C3orf18: variants seen among roughly 807,000 people sequenced by gnomAD.
C3orf18 encodes the protein chromosome 3 open reading frame 18, also known as uncharacterized protein C3orf18.
A neutral mutation model predicts 14.1 loss-of-function variants in C3orf18; 12 were observed. The observed-to-expected ratio is 0.85, with a 90% CI of 0.55 to 1.38. C3orf18 has a LOEUF of 1.38. C3orf18 is among the 40% of genes most tolerant of loss of function. The pLI, the probability that C3orf18 is intolerant of heterozygous loss-of-function variation, is 0.00. For synonymous variants in C3orf18, 82 were observed against 87.9 expected (o/e 0.93, Z 0.38); for missense variants, 196 against 213.9 (o/e 0.92, Z 0.52).
chr3:50,562,669 G>A (rs1022069194), intron 3 of C3orf18: 8 of 390,058 alleles, frequency 2.1e-5, no homozygotes, highest in African/African-American at 1.7e-4. Flanking sequence ...GCAAGGCCCT[G>A]AGCTGGTGGT....
chr3:50,561,904 C>T (rs1321553578), intron 3 of C3orf18, 157 bp from the exon 4 acceptor site: 13 of 599,492 alleles, frequency 2.2e-5, no homozygotes, highest in Admixed American at 5.6e-5. Flanking sequence ...CTTCATGCCT[C>T]TTTTTTTTTT....
At chr3:50,568,322 C>A (rs963175898), upstream of C3orf18, among the ~76,000 whole-genome samples, 2 of 152,160 alleles carry the variant, frequency 1.3e-5, no homozygotes, top group African/African-American at 4.8e-5. Flanking sequence ...TCAGATACTC[C>A]TGATCCGCCG....
upstream of C3orf18, among the ~76,000 whole-genome samples, chr3:50,572,462 T>C (rs1701111491): frequency 1.3e-5 from 2 of 152,206 alleles, no homozygotes; most frequent in Non-Finnish European, 2.9e-5. Context: ...GTGCCTCAAA[T>C]AGTGCTGCCC....
chr3:50,565,484 TATCACCGTGA>T lies in C3orf18; in HGVS notation c.206_215del (p.Ile69LysfsTer101). ...CTCTCACCAAGGCCACAGCCAGGCC[TATCACCGTGA>T]TGATCCCAAAGGACAGAAGCATGGT... On this transcript the variant is annotated frameshift_variant, in exon 3 of 6. Transcript: ENST00000357203. LOFTEE classifies it high-confidence loss of function. The surrounding 1 kb of genome is among the most constrained non-coding windows in gnomAD (Gnocchi z 4.4). 6.2e-7 allele frequency: 1 copy of T among 1,613,784 alleles called. No homozygotes were observed. The highest frequency in any genetic ancestry group is 2.2e-5 in the East Asian group (1 of 44,896).
upstream of C3orf18, among the ~76,000 whole-genome samples, chr3:50,573,579 C>T (rs1268843746): frequency 6.6e-6 from 1 of 152,168 alleles, no homozygotes; most frequent in Non-Finnish European, 1.5e-5. Flanking sequence ...AGCAGCTCTA[C>T]TGCAAGGGGT....
chr3:50,562,212 A>T (rs1040227469), intron 3 of C3orf18, among the ~76,000 whole-genome samples: 4 of 152,014 alleles, frequency 2.6e-5, no homozygotes, highest in African/African-American at 9.7e-5. Flanking sequence ...CCTCCTTTTG[A>T]CATTGTTAGC....
chr3:50,571,217 T>G (rs776458714), upstream of C3orf18: 7 of 1,613,800 alleles, frequency 4.3e-6, no homozygotes, highest in Admixed American at 1.0e-4. Context: ...CTGGCTGGGT[T>G]ATCCAGTGCC....
At position 50,565,557 on chromosome 3, in the gene C3orf18, C is replaced by T. The variant is rs1229786602; in HGVS notation, c.143G>A (p.Arg48Lys). ...CGTGCCACCAGCTGCATCAGGGATT[C>T]TGGTGTCATTAAAGGTGGTGGCCTC... ...SPEATTFNDT[R>K]IPDAAGGTAG... Residue 48 changes from arginine (R) to lysine (K), a missense_variant, in exon 3 of 6, where the codon AGA (arginine) becomes AAA (lysine). By Grantham distance (26) the Arg-to-Lys change is conservative. Transcript: ENST00000357203. This position sits in a 1 kb window ranked among gnomAD's most constrained non-coding sequence, Gnocchi z 4.4. 1.2e-6 allele frequency: 2 copies of T among 1,613,978 alleles called. No homozygotes were observed. Among genetic ancestry groups the T allele is most frequent in the South Asian group, 2.2e-5 (2 of 91,052 alleles).
In C3orf18 at chr3:50,565,912, T is replaced by A; in HGVS notation, c.-162-51A>T. ...GAGGCTAAGGACAGGGGCTCAGTAGTGAGATGAAGTCTCTCTAGGTTCTGA... is the reference window on the plus strand; with the variant it reads ...GAGGCTAAGGACAGGGGCTCAGTAGAGAGATGAAGTCTCTCTAGGTTCTGA... On this transcript the variant is annotated intron_variant, in intron 2 of 5. Coordinates refer to ENST00000357203, the MANE Select transcript of C3orf18 (RefSeq NM_016210.5). This position sits in a 1 kb window ranked among gnomAD's most constrained non-coding sequence, Gnocchi z 4.4. The A allele has an allele frequency of 1.7e-6, 1 of 579,286 alleles. No homozygotes were observed. Among genetic ancestry groups the A allele is most frequent in the Non-Finnish European group, 3.1e-6 (1 of 324,668 alleles). The allele number at this position is 579,286 out of a possible 1,614,324, so 35.9% of individuals were successfully genotyped here. A position where few individuals can be genotyped will look rare whatever the true frequency, so the allele number is the denominator to read the frequency against.
In C3orf18 at chr3:50,559,177, C is replaced by G; in HGVS notation, c.*480G>C. ...GGCTTCTCAGGGCCCATAACAGATG[C>G]TGCCCTACCCTGTCCCTATAACTTG... On this transcript the variant is annotated 3_prime_UTR_variant, in exon 6 of 6. Transcript: ENST00000357203. 7.8e-7 allele frequency: 1 copy of G among 1,290,024 alleles called. No homozygotes were observed. Among genetic ancestry groups the G allele is most frequent in the Non-Finnish European group, 1.0e-6 (1 of 989,110 alleles). The allele number at this position is 1,290,024 out of a possible 1,614,324, so 79.9% of individuals were successfully genotyped here. A position where few individuals can be genotyped will look rare whatever the true frequency, so the allele number is the denominator to read the frequency against.
chr3:50,561,804 C>A (rs778886916), intron 3 of C3orf18, 57 bp from the exon 4 acceptor site: 1 of 1,594,484 alleles, frequency 6.3e-7, no homozygotes, highest in South Asian at 1.1e-5. Context: ...AGGAACCCAG[C>A]AGCCCTTCTG....
intron 3 of C3orf18, 67 bp from the exon 4 acceptor site, chr3:50,561,814 G>A (rs758255151): frequency 1.3e-6 from 2 of 1,546,096 alleles, no homozygotes; most frequent in Admixed American, 3.3e-5. Flanking sequence ...CAGCCCTTCT[G>A]GATGGGGACA....
At chr3:50,563,449 T>A (rs1700108285) in intron 3 of C3orf18, among the ~76,000 whole-genome samples, 1 of 152,010 alleles carries the variant, frequency 6.6e-6, no homozygotes, top group South Asian at 2.1e-4. Flanking sequence ...CCTTTTCCCC[T>A]CTTCCTCAGC....
chr3:50,572,069 G>A (rs770270049), upstream of C3orf18: 2 of 1,611,226 alleles, frequency 1.2e-6, no homozygotes, highest in Non-Finnish European at 8.5e-7. Context: ...TGGTCCTGTT[G>A]GTCCTAGCTC....
Position 50,565,258 on chromosome 3 carries a change from T to G in C3orf18, c.234+208A>C. 3.6e-6 allele frequency: 2 copies of G among 557,532 alleles called. No homozygotes were observed. The highest frequency in any genetic ancestry group is 6.4e-6 in the Non-Finnish European group (2 of 311,768). 34.5% of individuals were successfully genotyped at this position (557,532 alleles called of 1,614,324 possible). ...AGCTCACACCTGTAATCCCAGCTAC[T>G]TGGGAGGCTGAGGCAGGAGACTCGA... On this transcript the variant is annotated intron_variant, in intron 3 of 5. Coordinates refer to ENST00000357203, the MANE Select transcript of C3orf18 (RefSeq NM_016210.5). The surrounding 1 kb of genome is among the most constrained non-coding windows in gnomAD (Gnocchi z 4.4).
At position 50,565,756 on chromosome 3, in the gene C3orf18, C is replaced by A. The variant is rs1455283098; in HGVS notation, c.-57G>T. The A allele has an allele frequency of 7.2e-7, 1 of 1,384,028 alleles. No individual in the cohort carries two copies. The highest frequency in any genetic ancestry group is 1.9e-5 in the Admixed American group (1 of 52,968). The allele number at this position is 1,384,028 out of a possible 1,614,324, so 85.7% of individuals were successfully genotyped here. A position where few individuals can be genotyped will look rare whatever the true frequency, so the allele number is the denominator to read the frequency against. ...TGCCTGATGCCAGTCAACCTGCCCA[C>A]TCACTCCTGACTCCGGAGTGCCCCA... is the stretch of plus-strand genomic sequence containing the variant. On this transcript the variant is annotated 5_prime_UTR_variant, in exon 3 of 6. Coordinates refer to ENST00000357203, the MANE Select transcript of C3orf18 (RefSeq NM_016210.5). This position sits in a 1 kb window ranked among gnomAD's most constrained non-coding sequence, Gnocchi z 4.4.
chr3:50,562,812 G>A (rs1199123699), intron 3 of C3orf18, among the ~76,000 whole-genome samples: 1 of 152,180 alleles, frequency 6.6e-6, no homozygotes, highest in African/African-American at 2.4e-5. Flanking sequence ...AGGCCCCTAG[G>A]TCCGGTCCCC....
At chr3:50,571,124 T>A, upstream of C3orf18, 1 of 1,598,520 alleles carries the variant, frequency 6.3e-7, no homozygotes, top group Non-Finnish European at 8.5e-7. Context: ...TGGGGCCGAA[T>A]GCTGTGGGCC....
intron 1 of C3orf18, among the ~76,000 whole-genome samples, 186 bp from the exon 2 acceptor site, chr3:50,566,280 G>C (rs1255165439): frequency 6.6e-6 from 1 of 151,752 alleles, no homozygotes; most frequent in Non-Finnish European, 1.5e-5. Flanking sequence ...TTCCTGGAGG[G>C]AAACACTTGC....
Sources: gnomAD v4.1 joint callset for allele counts (sites outside exome capture counted in the v4.1 genomes callset) on GRCh38, gnomAD v4.1.1 for gene constraint, Gnocchi (gnomAD v3.1) non-coding constraint, MANE v1.5 for transcripts, NCBI Gene and HGNC (gene_info 2026-07-23, HGNC 2026-07-21) for gene names.